The following PPP1R1C variants were observed in gnomAD, a reference collection of about 807,000 sequenced individuals.
PPP1R1C encodes protein phosphatase 1 regulatory inhibitor subunit 1C, also known as protein phosphatase 1 regulatory subunit 1C.
Under a neutral mutation model 17.4 loss-of-function variants are expected in PPP1R1C, and 15 were observed. The observed-to-expected ratio is 0.86, with a 90% CI of 0.58 to 1.33. PPP1R1C has a LOEUF of 1.33. PPP1R1C is among the 40% of genes most tolerant of loss of function. The pLI, the probability that PPP1R1C is intolerant of heterozygous loss-of-function variation, is 0.00. For missense variants in PPP1R1C, 143 were observed against 130.0 expected (o/e 1.10, Z -0.48); for synonymous variants, 35 against 43.1 (o/e 0.81, Z 0.73).
intron 4 of PPP1R1C, among the ~76,000 whole-genome samples, chr2:182,111,340 C>T (rs1053327950): frequency 1.3e-5 from 2 of 151,984 alleles, no homozygotes; most frequent in African/African-American, 4.8e-5. Context: ...GAAATGATGG[C>T]TTAAGTAATG....
At chr2:182,057,932 T>C (rs1398197085) in intron 2 of PPP1R1C, among the ~76,000 whole-genome samples, 2 of 152,132 alleles carry the variant, frequency 1.3e-5, no homozygotes, top group Non-Finnish European at 2.9e-5. Flanking sequence ...TTAATGGGCT[T>C]AATTTTTTTA....
intron 2 of PPP1R1C, among the ~76,000 whole-genome samples, chr2:181,978,661 G>A (rs1214918729): frequency 6.6e-6 from 1 of 152,172 alleles, no homozygotes; most frequent in East Asian, 1.9e-4. Context: ...CACAGGAACT[G>A]AGTGGAATGA....
chr2:182,124,315 T>TG (rs1689814518), intron 5 of PPP1R1C, among the ~76,000 whole-genome samples: 10 of 73,170 alleles, frequency 1.4e-4, no homozygotes, highest in Non-Finnish European at 2.2e-4. Context: ...TTTTTTTTTG[T>TG]TTTTTTTTTT....
chr2:182,083,369 A>G (rs1388319739), intron 4 of PPP1R1C, among the ~76,000 whole-genome samples: 1 of 152,100 alleles, frequency 6.6e-6, no homozygotes, highest in African/African-American at 2.4e-5. Context: ...TGTATATTGT[A>G]ACTGATATGT....
intron 5 of PPP1R1C, among the ~76,000 whole-genome samples, chr2:182,127,806 G>A (rs973803999): frequency 3.9e-5 from 6 of 152,012 alleles, no homozygotes; most frequent in African/African-American, 1.2e-4. Context: ...TTTGTTGAAC[G>A]TTCAGCAGTA....
intron 2 of PPP1R1C, among the ~76,000 whole-genome samples, chr2:182,005,111 G>A (rs1022592259): frequency 2.2e-4 from 33 of 152,102 alleles, no homozygotes; most frequent in Non-Finnish European, 4.3e-4. Context: ...AGCACAATGT[G>A]CTTATAAAAA....
rs1372031492 is a variant in PPP1R1C, at chr2:181,961,748, G to A, written n.111+7114G>A. ...CGGATATCTGCTATGATCTTGGCAA[G>A]GTCCTGAGATTTGGGGGCATCTACC... On this transcript the variant is annotated intron_variant and non_coding_transcript_variant, in intron 1 of 5. Coordinates refer to the PPP1R1C transcript ENST00000464264. The surrounding 1 kb of genome is among the most constrained non-coding windows in gnomAD (Gnocchi z 5.8). 3.0e-5 allele frequency: 33 copies of A among 1,118,578 alleles called. No homozygotes were observed. Among genetic ancestry groups the A allele is most frequent in the Non-Finnish European group, 4.2e-5 (31 of 742,724 alleles). The allele number at this position is 1,118,578 out of a possible 1,614,324, so 69.3% of individuals were successfully genotyped here. A position where few individuals can be genotyped will look rare whatever the true frequency, so the allele number is the denominator to read the frequency against.
chr2:182,094,652 A>G (rs184960311), intron 4 of PPP1R1C, among the ~76,000 whole-genome samples: 1 of 152,180 alleles, frequency 6.6e-6, no homozygotes, highest in Admixed American at 6.6e-5. Context: ...CTGTGTTGTG[A>G]TACGATTTTG....
intron 2 of PPP1R1C, among the ~76,000 whole-genome samples, chr2:182,035,883 A>T (rs1474505976): frequency 1.3e-5 from 2 of 152,278 alleles, no homozygotes; most frequent in East Asian, 3.9e-4. Context: ...CCAATTCTAA[A>T]TATCCCAAGG....
At chr2:182,054,889 G>A (rs1687635055) in intron 2 of PPP1R1C, among the ~76,000 whole-genome samples, 1 of 152,086 alleles carries the variant, frequency 6.6e-6, no homozygotes, top group Non-Finnish European at 1.5e-5. Flanking sequence ...TCGAACTCCT[G>A]ACCTCAGGTG....
At chr2:182,058,828 G>A (rs1367126302) in intron 2 of PPP1R1C, among the ~76,000 whole-genome samples, 4 of 151,986 alleles carry the variant, frequency 2.6e-5, no homozygotes, top group Non-Finnish European at 5.9e-5. Context: ...CATTCTGCCC[G>A]TTTCTTAGTT....
intron 4 of PPP1R1C, among the ~76,000 whole-genome samples, chr2:182,074,223 A>G (rs192079554): frequency 1.3e-5 from 2 of 151,778 alleles, no homozygotes; most frequent in African/African-American, 4.8e-5. Context: ...TTGTACTTTT[A>G]GTAGAGACGG....
At position 181,993,104 on chromosome 2, in the gene PPP1R1C, C is replaced by T. The variant is rs1685513242; in HGVS notation, c.142+5205C>T. 3.3e-5 allele frequency among the ~76,000 whole-genome samples: 5 copies of T among 152,228 alleles called. No homozygotes were observed. In the South Asian group the frequency reaches 1.0e-3, roughly 32 times the overall value. ...GGATTCCTGAGACACTGGATGATAGCTAGGAAATAATGCTGGACTAAGATT... is the reference window on the plus strand; with the variant it reads ...GGATTCCTGAGACACTGGATGATAGTTAGGAAATAATGCTGGACTAAGATT... On this transcript the variant is annotated intron_variant, in intron 2 of 4. Transcript: ENST00000682840.
chr2:182,119,220 A>G (rs1198521872), downstream of PPP1R1C, among the ~76,000 whole-genome samples: 1 of 151,854 alleles, frequency 6.6e-6, no homozygotes, highest in African/African-American at 2.4e-5. Flanking sequence ...CCATGTCCCT[A>G]CAAAGGACAT....
chr2:181,983,298 C>T (rs550054916), upstream of PPP1R1C, among the ~76,000 whole-genome samples: 59 of 152,214 alleles, frequency 3.9e-4, no homozygotes, highest in Middle Eastern at 3.4e-3. Context: ...TGGATGACCC[C>T]GGACAAATTA....
chr2:182,025,969 G>A (rs1488580418), intron 2 of PPP1R1C, among the ~76,000 whole-genome samples: 2 of 143,032 alleles, frequency 1.4e-5, no homozygotes, highest in African/African-American at 5.4e-5. Flanking sequence ...GTGATGATGA[G>A]CATTTTTTCA....
At chr2:182,100,694 G>A (rs775597918) in intron 4 of PPP1R1C, among the ~76,000 whole-genome samples, 1 of 152,118 alleles carries the variant, frequency 6.6e-6, no homozygotes, top group East Asian at 1.9e-4. Context: ...GGAAATAAAG[G>A]CTGCCTCTTT....
chr2:182,015,124 A>G (rs918893529), intron 2 of PPP1R1C, among the ~76,000 whole-genome samples: 7 of 152,140 alleles, frequency 4.6e-5, no homozygotes, highest in African/African-American at 1.7e-4. Flanking sequence ...AAGGAGTCCG[A>G]TATGGTTTGG....
chr2:182,053,439 A>G (rs2263008), intron 2 of PPP1R1C, among the ~76,000 whole-genome samples: 6,522 of 152,238 alleles, frequency 0.043, 427 homozygotes, highest in Admixed American at 0.18. Flanking sequence ...GTATTTTGTC[A>G]TTTTTGAATA....
Sources: allele counts gnomAD v4.1 joint callset (sites outside exome capture counted in the v4.1 genomes callset), GRCh38; gene constraint gnomAD v4.1.1; non-coding constraint Gnocchi (gnomAD v3.1); transcripts MANE v1.5; gene names NCBI Gene and HGNC (gene_info 2026-07-23, HGNC 2026-07-21).